The following BICC1 variants were observed in gnomAD, a reference collection of about 807,000 sequenced individuals.
The protein encoded by BICC1 is protein bicaudal C homolog 1.
In BICC1, 43 loss-of-function variants were observed where a neutral mutation model predicts 111.0. The ratio of observed to expected loss-of-function variants is 0.39; its 90% CI spans 0.30 to 0.50. The LOEUF is 0.50. Among genes scored for constraint, BICC1 ranks in the 20% least tolerant of loss-of-function variants. BICC1 has a pLI of 0.88. For synonymous variants in BICC1, 467 were observed against 434.4 expected (o/e 1.07, Z -0.93); for missense variants, 1,091 against 1,203.2 (o/e 0.91, Z 1.38).
intron 19 of BICC1, among the ~76,000 whole-genome samples, chr10:58,818,049 A>G (rs948278574): frequency 6.6e-6 from 1 of 152,202 alleles, no homozygotes; most frequent in Admixed American, 6.5e-5. Context: ...ACAAGTCTGT[A>G]TTTAACATGA....
intron 9 of BICC1, 36 bp from the exon 10 acceptor site, chr10:58,796,304 A>T (rs369494361): frequency 1.1e-5 from 18 of 1,586,822 alleles, no homozygotes; most frequent in Admixed American, 1.7e-5. Context: ...GACTACTTGC[A>T]TGTCACCTTT....
chr10:58,744,540 TA>T (rs1289757147), intron 3 of BICC1, among the ~76,000 whole-genome samples: 8 of 152,112 alleles, frequency 5.3e-5, no homozygotes, highest in Non-Finnish European at 1.2e-4. Flanking sequence ...AATTCATTAA[TA>T]TTTTTTAATT....
intron 3 of BICC1, among the ~76,000 whole-genome samples, chr10:58,729,077 T>C (rs2132549764): frequency 6.6e-6 from 1 of 152,316 alleles, no homozygotes; most frequent in South Asian, 2.1e-4. Context: ...CTTCGACTTG[T>C]AGTCACCAGC....
chr10:58,686,452 A>C (rs1264366279), intron 2 of BICC1, among the ~76,000 whole-genome samples: 1 of 152,162 alleles, frequency 6.6e-6, no homozygotes, highest in Non-Finnish European at 1.5e-5. Flanking sequence ...TAATATCCTG[A>C]AGAATGTTTT....
chr10:58,619,755 C>T (rs1564516433), intron 1 of BICC1, among the ~76,000 whole-genome samples: 1 of 152,122 alleles, frequency 6.6e-6, no homozygotes, highest in Admixed American at 6.6e-5. Context: ...TTTCACTTAA[C>T]AATGTCAAAA....
chr10:58,587,581 G>A (rs1224721568), intron 1 of BICC1, among the ~76,000 whole-genome samples: 8 of 152,184 alleles, frequency 5.3e-5, no homozygotes. Flanking sequence ...TAAAGCTTGT[G>A]GTTGGAGATG....
Position 58,830,162 on chromosome 10 carries a change from A to G in BICC1, c.*1271A>G, listed in dbSNP as rs1359337081. ...CTAAGTTCTGAAGGAAAAAAAAAATATATCTTTTTAAGTGGCTAGAGTCAT... is the reference window on the plus strand; with the variant it reads ...CTAAGTTCTGAAGGAAAAAAAAAATGTATCTTTTTAAGTGGCTAGAGTCAT... On this transcript the variant is annotated 3_prime_UTR_variant, in exon 21 of 21. Coordinates refer to ENST00000373886, the MANE Select transcript of BICC1 (RefSeq NM_001080512.3). 2 of 151,882 alleles carry G rather than the reference A, an allele frequency of 1.3e-5. No homozygotes were observed. The highest frequency in any genetic ancestry group is 2.9e-5 in the Non-Finnish European group (2 of 68,020). 9.4% of individuals were successfully genotyped at this position (151,882 alleles called of 1,614,324 possible).
intron 3 of BICC1, among the ~76,000 whole-genome samples, chr10:58,768,189 CAAGAG>C (rs1273218315): frequency 6.6e-6 from 1 of 151,914 alleles, no homozygotes; most frequent in Non-Finnish European, 1.5e-5. Context: ...TTGAAAACAG[CAAGAG>C]AAAAGAGACT....
rs1413224250 is a variant in BICC1 at position 58,793,618 on chromosome 10, T to G, written c.1179+3T>G. ...CAAAGCCCAAACAGCCAAGCAAGGT[T>G]GGTTCAGAGTCTGAATCCAGAGAAT... On this transcript the variant is annotated splice_donor_region_variant and intron_variant, in intron 9 of 20. Transcript: ENST00000373886. 2 of 1,613,624 alleles carry G rather than the reference T, an allele frequency of 1.2e-6. No homozygotes were observed. Among genetic ancestry groups the G allele is most frequent in the Admixed American group, 3.3e-5 (2 of 59,926 alleles).
chr10:58,710,676 A>C (rs1049648570), intron 3 of BICC1, among the ~76,000 whole-genome samples: 5 of 152,186 alleles, frequency 3.3e-5, no homozygotes, highest in African/African-American at 1.2e-4. Flanking sequence ...ATTTGGAAGG[A>C]AAATAAACCC....
chr10:58,739,872 A>G (rs1247845997), intron 3 of BICC1, among the ~76,000 whole-genome samples: 1 of 152,222 alleles, frequency 6.6e-6, no homozygotes, highest in Non-Finnish European at 1.5e-5. Flanking sequence ...TCCACTGGTC[A>G]AAGAAGGTTG....
chr10:58,788,275 G>T (rs542327714), intron 5 of BICC1, 95 bp from the exon 6 acceptor site: 406 of 905,988 alleles, frequency 4.5e-4, no homozygotes, highest in Middle Eastern at 3.2e-3. Context: ...TTTGTCCCTG[G>T]ATGACACTTT....
chr10:58,693,858 T>G (rs977208143), intron 2 of BICC1, among the ~76,000 whole-genome samples: 1 of 152,154 alleles, frequency 6.6e-6, no homozygotes, highest in African/African-American at 2.4e-5. Context: ...AGAAGCTCTT[T>G]AGTTTAATTA....
intron 3 of BICC1, among the ~76,000 whole-genome samples, chr10:58,769,400 G>GTATATA (rs1202556984): frequency 6.6e-4 from 70 of 106,574 alleles, no homozygotes; most frequent in Middle Eastern, 5.5e-3. Context: ...GTGTGTGTGT[G>GTATATA]TGTGTATATA....
intron 2 of BICC1, among the ~76,000 whole-genome samples, chr10:58,685,899 C>T (rs1010676566): frequency 1.3e-5 from 2 of 152,092 alleles, no homozygotes; most frequent in Non-Finnish European, 2.9e-5. Flanking sequence ...GATTTTGATC[C>T]TGTTATTATG....
intron 1 of BICC1, among the ~76,000 whole-genome samples, chr10:58,589,455 G>A (rs1564500545): frequency 8.9e-6 from 1 of 111,946 alleles, no homozygotes; most frequent in Non-Finnish European, 1.9e-5. Flanking sequence ...AAGTTATACA[G>A]CTTTACTTTT....
intron 3 of BICC1, among the ~76,000 whole-genome samples, chr10:58,784,589 C>T (rs187740605): frequency 5.3e-5 from 8 of 152,054 alleles, no homozygotes; most frequent in Non-Finnish European, 8.8e-5. Context: ...CTGTAAACAA[C>T]GTCATGAATC....
chr10:58,785,506 G>A (rs906791005), intron 4 of BICC1, among the ~76,000 whole-genome samples: 1 of 152,016 alleles, frequency 6.6e-6, no homozygotes, highest in African/African-American at 2.4e-5. Flanking sequence ...TCTGTGTTGG[G>A]TGTGTGTAAT....
intron 1 of BICC1, among the ~76,000 whole-genome samples, chr10:58,580,558 A>G (rs896564514): frequency 2.0e-5 from 3 of 152,186 alleles, no homozygotes; most frequent in Non-Finnish European, 4.4e-5. Flanking sequence ...GGTCTCAAGC[A>G]TTTTGGATAA....
Sources: gnomAD v4.1 joint callset for allele counts (sites outside exome capture counted in the v4.1 genomes callset) on GRCh38, gnomAD v4.1.1 for gene constraint, MANE v1.5 for transcripts, NCBI Gene and HGNC (gene_info 2026-07-23, HGNC 2026-07-21) for gene names.